Variants in STOML3 observed in about 807,000 individuals in gnomAD.
STOML3 encodes stomatin like 3.
In STOML3, 31 loss-of-function variants were observed where a neutral mutation model predicts 29.5. That is an observed-to-expected ratio of 1.05 (90% CI 0.79 to 1.42). The LOEUF is 1.42. Among genes scored for constraint, STOML3 ranks in the 40% most tolerant of loss-of-function variants. STOML3 has a pLI of 0.00. For missense variants in STOML3, 380 were observed against 363.0 expected (o/e 1.05, Z -0.38); for synonymous variants, 122 against 139.8 (o/e 0.87, Z 0.90).
intron 3 of STOML3, among the ~76,000 whole-genome samples, chr13:38,974,147 C>T (rs1391962308): frequency 6.6e-6 from 1 of 152,080 alleles, no homozygotes; most frequent in Non-Finnish European, 1.5e-5. Flanking sequence ...TAACATTAAC[C>T]TGGTGAATGT....
intron 5 of STOML3, among the ~76,000 whole-genome samples, chr13:38,969,202 A>G (rs754876801): frequency 1.3e-5 from 2 of 152,232 alleles, no homozygotes; most frequent in African/African-American, 2.4e-5. Flanking sequence ...AAAGTCAAAG[A>G]TACTCTTGTC....
intron 1 of STOML3, chr13:38,980,119 A>T (rs780258325): frequency 1.3e-6 from 2 of 1,551,666 alleles, no homozygotes; most frequent in Non-Finnish European, 1.7e-6. Flanking sequence ...GCTCAGCTCC[A>T]TTAGGTAATA....
At position 38,972,688 on chromosome 13, in the gene STOML3, T is replaced by A. The variant is rs983939097; in HGVS notation, c.230-94A>T. 1.0e-4 allele frequency: 107 copies of A among 1,068,882 alleles called. No individual in the cohort carries two copies. In the Middle Eastern group the frequency reaches 1.4e-3, roughly 14 times the overall value. The allele number at this position is 1,068,882 out of a possible 1,614,324, so 66.2% of individuals were successfully genotyped here. A position where few individuals can be genotyped will look rare whatever the true frequency, so the allele number is the denominator to read the frequency against. On this transcript the variant is annotated intron_variant, in intron 3 of 6. Transcript: ENST00000379631. ...ATAGTGCATCATTTACATGGGGCGA[T>A]ACATGTTTCTCAGATGATCCTCAAT... is the stretch of plus-strand genomic sequence containing the variant.
rs770103733 is a variant in STOML3, at chr13:38,970,261, G to A, written c.440C>T (p.Thr147Ile). The A allele has an allele frequency of 9.2e-5, 149 of 1,614,078 alleles. No individual in the cohort carries two copies. Among genetic ancestry groups the A allele is most frequent in the Non-Finnish European group, 1.2e-4 (145 of 1,180,024 alleles). Residue 147 changes from threonine to isoleucine, a missense_variant, in exon 5 of 7, where the codon ACT (threonine) becomes ATT (isoleucine). Thr to Ile is a moderately conservative substitution (Grantham distance 89, BLOSUM62 -1). Coordinates refer to ENST00000379631, the MANE Select transcript of STOML3 (RefSeq NM_145286.3). The stretch of plus-strand genomic sequence containing the variant: ...CTGTGTCCCTAAGACATTTCTCAGA[G>A]TGGTTTGAGCCAGCAGAAATGTTGC... ...HQATFLLAQT[T>I]LRNVLGTQTL...
chr13:38,987,791 T>C (rs1170868417), intron 1 of STOML3, among the ~76,000 whole-genome samples: 8 of 111,968 alleles, frequency 7.1e-5, no homozygotes, highest in Non-Finnish European at 1.2e-4. Flanking sequence ...GTATATATTA[T>C]ATATTATATT....
chr13:38,987,777 T>G (rs1255314082), intron 1 of STOML3, among the ~76,000 whole-genome samples: 1 of 115,776 alleles, frequency 8.6e-6, no homozygotes, highest in Non-Finnish European at 1.7e-5. Flanking sequence ...ATATATACTA[T>G]TGTGTATATA....
intron 3 of STOML3, 129 bp downstream of exon 3, chr13:38,976,411 G>A (rs1881073908): frequency 3.1e-6 from 3 of 977,890 alleles, no homozygotes; most frequent in Non-Finnish European, 3.1e-6. Flanking sequence ...GTACCAAAAG[G>A]CAAGAGCCCC....
chr13:38,981,169 C>T (rs1300552439), intron 1 of STOML3, among the ~76,000 whole-genome samples: 1 of 152,154 alleles, frequency 6.6e-6, no homozygotes, highest in Non-Finnish European at 1.5e-5. Flanking sequence ...TTTAGTGTTG[C>T]CACCATCATC....
chr13:38,981,055 C>T (rs1001603056), intron 1 of STOML3, among the ~76,000 whole-genome samples: 5 of 152,188 alleles, frequency 3.3e-5, no homozygotes, highest in African/African-American at 1.2e-4. Context: ...GAAGCTGAGG[C>T]CCAGAGCCAC....
rs71074495 is a variant in STOML3, at chr13:38,973,096, T to TAAAAA, written c.230-507_230-503dup. Among the ~76,000 whole-genome samples the TAAAAA allele has an allele frequency of 2.9e-3, 96 of 32,572 alleles. 11 individuals are homozygous for TAAAAA. The highest frequency in any genetic ancestry group is 2.9e-3 in the Non-Finnish European group (55 of 19,132). 21.4% of individuals were successfully genotyped at this position (32,572 alleles called of 152,430 possible). The stretch of plus-strand genomic sequence containing the variant: ...CAACATGGTGAAGCCCCGTCTCTAC[T>TAAAAA]AAAAAAAAAAAAAAAAAAAAAAAAA... On this transcript the variant is annotated intron_variant, in intron 3 of 6. Coordinates refer to ENST00000379631, the MANE Select transcript of STOML3 (RefSeq NM_145286.3).
chr13:38,982,081 G>GA (rs534874601), intron 1 of STOML3, among the ~76,000 whole-genome samples: 36 of 151,932 alleles, frequency 2.4e-4, no homozygotes, highest in Middle Eastern at 3.4e-3. Flanking sequence ...TACTCAGCAA[G>GA]AAAAAAAGAC....
At chr13:38,977,981 C>A (rs954518709) in intron 1 of STOML3, among the ~76,000 whole-genome samples, 1 of 151,616 alleles carries the variant, frequency 6.6e-6, no homozygotes, top group Non-Finnish European at 1.5e-5. Flanking sequence ...AGGATGGTGT[C>A]AATCTCCTAA....
chr13:38,971,782 G>A (rs1215244687), intron 4 of STOML3, among the ~76,000 whole-genome samples: 1 of 152,042 alleles, frequency 6.6e-6, no homozygotes, highest in African/African-American at 2.4e-5. Flanking sequence ...AAAATTAGCT[G>A]GGCGTGGTGA....
chr13:38,984,594 C>T (rs976164572), intron 1 of STOML3, among the ~76,000 whole-genome samples: 33 of 152,310 alleles, frequency 2.2e-4, no homozygotes, highest in African/African-American at 7.7e-4. Context: ...CAGTGACATG[C>T]TGTACAGGTG....
chr13:38,973,110 A>C lies in STOML3; in HGVS notation c.230-516T>G, dbSNP rs1480701289. Among the ~76,000 whole-genome samples the C allele has an allele frequency of 4.0e-3, 564 of 140,314 alleles. 3 individuals carry two copies. Among genetic ancestry groups the C allele is most frequent in the African/African-American group, 0.011 (361 of 34,316 alleles). The allele number at this position is 140,314 out of a possible 152,430, so 92.1% of individuals were successfully genotyped here. A position where few individuals can be genotyped will look rare whatever the true frequency, so the allele number is the denominator to read the frequency against. The stretch of plus-strand genomic sequence containing the variant: ...CCCGTCTCTACTAAAAAAAAAAAAA[A>C]AAAAAAAAAAAAAAAAAAAAAATTA... On this transcript the variant is annotated intron_variant, in intron 3 of 6. Coordinates refer to ENST00000379631, the MANE Select transcript of STOML3 (RefSeq NM_145286.3).
At position 38,980,532 on chromosome 13, in the gene STOML3, G is replaced by A. The variant is rs1881236152; in HGVS notation, c.53-3735C>T. Among the ~76,000 whole-genome samples, 3 of 151,386 alleles carry A rather than the reference G, an allele frequency of 2.0e-5. No homozygotes were observed. In the South Asian group the frequency reaches 6.3e-4, roughly 32 times the overall value. On this transcript the variant is annotated intron_variant, in intron 1 of 6. Transcript: ENST00000379631. Reference sequence around the variant, plus strand: ...TTCAAGCTATACAAGGCTCTGAGGGGATGATGGAAGAAAAAGGGGCTGCAC... The same window carrying A: ...TTCAAGCTATACAAGGCTCTGAGGGAATGATGGAAGAAAAAGGGGCTGCAC...
rs774782156 is a variant in STOML3, at chr13:38,976,734, A to T, written c.116T>A (p.Val39Glu). The T allele has an allele frequency of 2.5e-6, 4 of 1,614,118 alleles. No individual in the cohort carries two copies. In the Admixed American group the frequency reaches 6.7e-5, roughly 27 times the overall value. ...TATGGAGATGGGGAAGGTAATGATC[A>T]CCAACAGGAAAGAGAGGGAAAACAG... ...WILFSLSFLL[V>E]IITFPISIWM... The change falls in exon 2 of 7, where the codon GTG (valine) becomes GAG (glutamate). Residue 39 changes from valine to glutamate, a missense_variant. Coordinates refer to ENST00000379631, the MANE Select transcript of STOML3 (RefSeq NM_145286.3).
At chr13:38,972,394 G>A (rs1216077182) in intron 4 of STOML3, 118 bp downstream of exon 4, 11 of 933,912 alleles carry the variant, frequency 1.2e-5, no homozygotes, top group Non-Finnish European at 1.8e-5. Flanking sequence ...AGGTCTCTGC[G>A]GGTACTCAGC....
intron 5 of STOML3, among the ~76,000 whole-genome samples, chr13:38,969,673 C>T (rs1414968200): frequency 3.3e-5 from 5 of 152,114 alleles, no homozygotes; most frequent in South Asian, 4.2e-4. Context: ...GAGATGAGAT[C>T]GATAGCTGTT....
Sources: gnomAD v4.1 joint callset for allele counts (sites outside exome capture counted in the v4.1 genomes callset) on GRCh38, gnomAD v4.1.1 for gene constraint, MANE v1.5 for transcripts, NCBI Gene and HGNC (gene_info 2026-07-23, HGNC 2026-07-21) for gene names.